Variants in PHEX observed in about 807,000 individuals in gnomAD.
PHEX encodes the protein phosphate regulating endopeptidase X-linked.
In PHEX, 16 loss-of-function variants were observed where a neutral mutation model predicts 68.0. That is an observed-to-expected ratio of 0.24 (90% confidence interval 0.16 to 0.36). The LOEUF (loss-of-function observed/expected upper bound fraction) is 0.36. Among genes scored for constraint, PHEX ranks in the 10% least tolerant of loss-of-function variants. The pLI is 1.00. For missense variants in PHEX, 480 were observed against 575.5 expected (o/e 0.83, Z 1.70); for synonymous variants, 208 against 205.1 (o/e 1.01, Z -0.12).
chrX:22,033,107 C>G lies in PHEX; in HGVS notation c.102C>G (p.Gly34=). ...VVFVGGTLVL[G]TILFLVSQGL... ...TTGTCGGTGGCACCCTAGTTCTGGG[C>G]ACGATCCTCTTTCTAGGTAAGTGGA... The change falls in exon 1 of 22, where the codon GGC becomes GGG. Residue 34 remains glycine, a synonymous_variant. Transcript: ENST00000379374. The G allele has an allele frequency of 8.3e-7, 1 of 1,197,983 alleles. No homozygotes were observed.
At chrX:22,238,447 A>G (rs1325223706) in intron 20 of PHEX, among the ~76,000 whole-genome samples, 1 of 111,893 alleles carries the variant, frequency 8.9e-6, no homozygotes, top group Non-Finnish European at 1.9e-5. Context: ...CTGGCAGACC[A>G]GGAGATTCCT....
chrX:22,144,891 C>G (rs1220102160), intron 12 of PHEX, among the ~76,000 whole-genome samples: 1 of 111,406 alleles, frequency 9.0e-6, no homozygotes, highest in Admixed American at 9.5e-5. Flanking sequence ...TAAATTGAGT[C>G]ATTTGTCTGG....
chrX:22,225,228 G>T (rs1318872766), intron 18 of PHEX, among the ~76,000 whole-genome samples: 1 of 109,505 alleles, frequency 9.1e-6, no homozygotes, highest in East Asian at 2.9e-4. Context: ...CCTCTTGTAA[G>T]AACTTTTGTA....
At chrX:22,145,900 G>A (rs1366639256) in intron 12 of PHEX, among the ~76,000 whole-genome samples, 1 of 112,261 alleles carries the variant, frequency 8.9e-6, no homozygotes, top group African/African-American at 3.2e-5. Flanking sequence ...ATTTTCACAA[G>A]TTGGTGCCCT....
chrX:22,240,767 T>TCAGAGAC (rs780424461), intron 20 of PHEX, among the ~76,000 whole-genome samples: 2 of 111,645 alleles, frequency 1.8e-5, no homozygotes, highest in Admixed American at 1.9e-4. Context: ...AAGCAAGTTC[T>TCAGAGAC]CAGAGACCTA....
chrX:22,088,826 T>C (rs1207050816), intron 5 of PHEX, among the ~76,000 whole-genome samples: 1 of 112,004 alleles, frequency 8.9e-6, no homozygotes, highest in Non-Finnish European at 1.9e-5. Context: ...TATTTTTTCT[T>C]TTAAGGATTG....
chrX:22,232,751 A>G (rs1602420349), intron 20 of PHEX, among the ~76,000 whole-genome samples: 1 of 108,939 alleles, frequency 9.2e-6, no homozygotes, highest in Admixed American at 9.9e-5. Flanking sequence ...ACTCTATCCA[A>G]TTTGCCAGTC....
chrX:22,175,508 A>G (rs1021579439), intron 13 of PHEX, among the ~76,000 whole-genome samples: 12 of 111,022 alleles, frequency 1.1e-4, no homozygotes, highest in African/African-American at 3.9e-4. Context: ...GTGCCACCAC[A>G]CCTGGTTAAT....
intron 11 of PHEX, among the ~76,000 whole-genome samples, chrX:22,119,162 A>G (rs1468091212): frequency 9.0e-6 from 1 of 111,672 alleles, no homozygotes; most frequent in Non-Finnish European, 1.9e-5. Flanking sequence ...TGTTGGGATT[A>G]CAGGCATGAG....
intron 15 of PHEX, among the ~76,000 whole-genome samples, chrX:22,199,500 C>T (rs1045391044): frequency 1.8e-5 from 2 of 111,777 alleles, no homozygotes; most frequent in African/African-American, 6.5e-5. Context: ...GTGTGCCATT[C>T]TGAGTAGCAT....
intron 14 of PHEX, among the ~76,000 whole-genome samples, chrX:22,184,365 G>A (rs1186689093): frequency 3.6e-5 from 4 of 110,449 alleles, no homozygotes; most frequent in African/African-American, 1.3e-4. Context: ...TGAGTTAATC[G>A]AGTGGGGATC....
At chrX:22,207,761 A>G (rs1370242558) in intron 15 of PHEX, among the ~76,000 whole-genome samples, 2 of 111,896 alleles carry the variant, frequency 1.8e-5, no homozygotes, top group Non-Finnish European at 3.8e-5. Context: ...TTAGTAATAT[A>G]TTTTATTTAA....
chrX:22,230,389 T>C (rs988827110), intron 20 of PHEX, among the ~76,000 whole-genome samples: 1 of 108,372 alleles, frequency 9.2e-6, no homozygotes, highest in Non-Finnish European at 1.9e-5. Context: ...TTTCACGATA[T>C]TGATTCTTCC....
chrX:22,198,324 A>C (rs1934439226), intron 15 of PHEX, among the ~76,000 whole-genome samples: 1 of 108,019 alleles, frequency 9.3e-6, no homozygotes, highest in South Asian at 3.9e-4. Flanking sequence ...CCCAATAAAC[A>C]TTAGCTATTA....
chrX:22,145,194 C>G (rs1362376540), intron 12 of PHEX, among the ~76,000 whole-genome samples: 1 of 112,023 alleles, frequency 8.9e-6, no homozygotes, highest in Non-Finnish European at 1.9e-5. Flanking sequence ...CCTCATGCAG[C>G]AGTCCTGTTT....
chrX:22,225,512 T>C (rs1935462498), intron 18 of PHEX, among the ~76,000 whole-genome samples: 2 of 111,758 alleles, frequency 1.8e-5, no homozygotes, highest in Non-Finnish European at 3.8e-5. Context: ...TAGTAAAGAA[T>C]TGAGGCTTTG....
chrX:22,249,455 A>AAAAATATAT lies in PHEX; in HGVS notation c.*1503_*1504insAAATATATA. The AAAAATATAT allele has an allele frequency of 2.0e-3, 78 of 39,744 alleles. 2 individuals carry two copies. Among genetic ancestry groups the AAAAATATAT allele is most frequent in the Non-Finnish European group, 2.4e-3 (59 of 24,459 alleles). The allele number at this position is 39,744 out of a possible 1,213,427, so 3.3% of individuals were successfully genotyped here. The stretch of plus-strand genomic sequence containing the variant: ...TTGTGATTCTTTTAAAAAAAAAAAA[A>AAAAATATAT]ATATATATATATATATATATATATA... On this transcript the variant is annotated 3_prime_UTR_variant, in exon 22 of 22. Transcript: ENST00000379374.
At chrX:22,076,309 G>A in intron 3 of PHEX, 79 bp from the exon 4 acceptor site, 1 of 688,107 alleles carries the variant, frequency 1.5e-6, no homozygotes, top group Non-Finnish European at 2.4e-6. Flanking sequence ...CTGGAGGTTG[G>A]AATTGTGATT....
chrX:22,233,553 C>CTGAG (rs1189334335), intron 20 of PHEX, among the ~76,000 whole-genome samples: 8 of 111,135 alleles, frequency 7.2e-5, no homozygotes, highest in African/African-American at 2.6e-4. Context: ...CTTTATTTCA[C>CTGAG]TGAGTTGATC....
Sources: gnomAD v4.1 joint callset for allele counts (sites outside exome capture counted in the v4.1 genomes callset) on GRCh38, gnomAD v4.1.1 for gene constraint, MANE v1.5 for transcripts, NCBI Gene and HGNC (gene_info 2026-07-23, HGNC 2026-07-21) for gene names.